The following CADPS2 variants were observed in gnomAD, a reference collection of about 807,000 sequenced individuals.
CADPS2 encodes calcium-dependent secretion activator 2.
A neutral mutation model predicts 172.5 loss-of-function variants in CADPS2; 93 were observed. The ratio of observed to expected loss-of-function variants is 0.54; its 90% CI spans 0.46 to 0.64. The LOEUF (loss-of-function observed/expected upper bound fraction) is 0.64. Ranked by LOEUF, CADPS2 falls within the 30% of genes least tolerant of loss-of-function variation. The pLI is 0.00. For synonymous variants in CADPS2, 546 were observed against 555.2 expected, an observed-to-expected ratio of 0.98 and a Z score of 0.23; for missense variants, 1,420 against 1,565.9, an observed-to-expected ratio of 0.91 and a Z score of 1.57.
intron 1 of CADPS2, 146 bp from the exon 2 acceptor site, chr7:122,737,214 A>G: frequency 1.8e-6 from 1 of 564,722 alleles, no homozygotes; most frequent in Non-Finnish European, 3.1e-6. Flanking sequence ...ACATCCTACT[A>G]CTTGTTCTAA....
At chr7:122,412,360 G>T (rs1464804838) in intron 19 of CADPS2, among the ~76,000 whole-genome samples, 4 of 152,172 alleles carry the variant, frequency 2.6e-5, no homozygotes, top group Admixed American at 2.6e-4. Context: ...ATGCATGCCA[G>T]TTGGAGAGGA....
At chr7:122,642,002 G>A (rs1353456328) in intron 3 of CADPS2, among the ~76,000 whole-genome samples, 5 of 152,160 alleles carry the variant, frequency 3.3e-5, no homozygotes, top group East Asian at 3.9e-4. Flanking sequence ...AATTGAGGCC[G>A]GCCGTGGTGG....
At chr7:122,363,310 C>T (rs1433731570) in intron 25 of CADPS2, among the ~76,000 whole-genome samples, 1 of 152,164 alleles carries the variant, frequency 6.6e-6, no homozygotes, top group Admixed American at 6.5e-5. Context: ...GCGGCAATTG[C>T]TATGGTTACT....
intron 8 of CADPS2, among the ~76,000 whole-genome samples, chr7:122,518,315 T>C (rs1163815142): frequency 6.6e-6 from 1 of 152,056 alleles, no homozygotes; most frequent in Non-Finnish European, 1.5e-5. Flanking sequence ...TAAATTATAA[T>C]AACTACATAA....
chr7:122,583,791 TATCATATACATCAC>T (rs907611885), intron 6 of CADPS2, among the ~76,000 whole-genome samples: 2 of 151,234 alleles, frequency 1.3e-5, no homozygotes, highest in African/African-American at 2.4e-5. Context: ...ATAACATACA[TATCATATACATCAC>T]ATCATATACA....
intron 27 of CADPS2, 126 bp from the exon 28 acceptor site, chr7:122,345,807 C>T: frequency 1.7e-6 from 1 of 574,034 alleles, no homozygotes; most frequent in Admixed American, 3.4e-5. Context: ...AAAACTAAAC[C>T]AAAAGTGAGC....
chr7:122,605,416 C>T (rs2073385662), intron 6 of CADPS2, among the ~76,000 whole-genome samples: 1 of 152,104 alleles, frequency 6.6e-6, no homozygotes, highest in South Asian at 2.1e-4. Flanking sequence ...TATATGCAGT[C>T]CATCATTGAC....
Position 122,441,559 on chromosome 7 carries a change from CA to C in CADPS2, c.2304del (p.Phe768LeufsTer8), listed in dbSNP as rs1563346784. On this transcript the variant is annotated frameshift_variant, in exon 16 of 30. Transcript: ENST00000449022. LOFTEE classifies it high-confidence loss of function. ...GCTTTTAGAGCACCTTCAGGTCGTC[CA>C]AAGGGAAAACAGTATCTTTAAAAAC... ...QISHFRYCFP[F>X]GRPEGALKAT... 1 of 1,535,890 alleles carries C rather than the reference CA, an allele frequency of 6.5e-7. No individual in the cohort carries two copies. The highest frequency in any genetic ancestry group is 8.8e-7 in the Non-Finnish European group (1 of 1,140,526).
intron 2 of CADPS2, chr7:122,698,650 G>A (rs751695080): frequency 1.9e-6 from 3 of 1,613,884 alleles, no homozygotes. Context: ...GCTGAAAATG[G>A]TATTGGGATT....
intron 2 of CADPS2, among the ~76,000 whole-genome samples, chr7:122,676,239 T>G (rs1301586416): frequency 6.6e-6 from 1 of 152,044 alleles, no homozygotes; most frequent in African/African-American, 2.4e-5. Context: ...TACATTAGAG[T>G]AGACAATAAA....
intron 6 of CADPS2, among the ~76,000 whole-genome samples, chr7:122,595,388 G>T (rs778009309): frequency 3.3e-5 from 5 of 151,970 alleles, no homozygotes; most frequent in African/African-American, 7.2e-5. Context: ...TTAAGTGGGG[G>T]TTATGTTCTT....
chr7:122,779,686 G>A (rs747421956), intron 1 of CADPS2, among the ~76,000 whole-genome samples: 6 of 151,992 alleles, frequency 3.9e-5, no homozygotes, highest in East Asian at 1.9e-4. Context: ...CAACATCTTC[G>A]AAAGTTGAAT....
intron 5 of CADPS2, among the ~76,000 whole-genome samples, chr7:122,617,614 G>T (rs2075069947): frequency 6.6e-6 from 1 of 152,180 alleles, no homozygotes; most frequent in South Asian, 2.1e-4. Flanking sequence ...ACAGAGTTAG[G>T]AGACATTTAA....
At chr7:122,783,171 C>T (rs1793191954) in intron 1 of CADPS2, among the ~76,000 whole-genome samples, 1 of 142,240 alleles carries the variant, frequency 7.0e-6, no homozygotes, top group East Asian at 2.1e-4. Context: ...AGCCGAGAGG[C>T]GACAAAGCGA....
At position 122,425,530 on chromosome 7, in the gene CADPS2, T is replaced by A. The variant is rs930316254; in HGVS notation, c.2477-9366A>T. On this transcript the variant is annotated intron_variant, in intron 17 of 29. Coordinates refer to ENST00000449022, the MANE Select transcript of CADPS2 (RefSeq NM_017954.11). ...GGGTGGAGGATCGTTTGAGCCCACC[T>A]GGGAGGCAGAGGCTACGGTGAGCTG... 4.6e-5 allele frequency among the ~76,000 whole-genome samples: 7 copies of A among 151,364 alleles called. No individual in the cohort carries two copies. The East Asian group carries it at 7.8e-4, about 17-fold the overall frequency.
intron 15 of CADPS2, among the ~76,000 whole-genome samples, chr7:122,450,230 C>A (rs182660515): frequency 2.6e-5 from 4 of 151,862 alleles, no homozygotes; most frequent in East Asian, 1.9e-4. Flanking sequence ...ATATTCACTA[C>A]GTTTATTTTT....
chr7:122,599,060 A>G (rs1297382272), intron 6 of CADPS2, among the ~76,000 whole-genome samples: 1 of 152,136 alleles, frequency 6.6e-6, no homozygotes, highest in Non-Finnish European at 1.5e-5. Context: ...AGTTAGGTGC[A>G]GAATGAAAGG....
intron 1 of CADPS2, among the ~76,000 whole-genome samples, chr7:122,787,255 T>G (rs2139575439): frequency 6.6e-6 from 1 of 152,206 alleles, no homozygotes; most frequent in East Asian, 1.9e-4. Flanking sequence ...AGCTGAAAAT[T>G]TTATCACTTG....
intron 8 of CADPS2, among the ~76,000 whole-genome samples, chr7:122,519,031 A>G (rs1251718143): frequency 1.3e-5 from 2 of 151,918 alleles, no homozygotes; most frequent in East Asian, 3.9e-4. Flanking sequence ...CACAAATATC[A>G]TCAGTTTTCA....
Sources: allele counts gnomAD v4.1 joint callset (sites outside exome capture counted in the v4.1 genomes callset), GRCh38; gene constraint gnomAD v4.1.1; transcripts MANE v1.5; gene names NCBI Gene and HGNC (gene_info 2026-07-23, HGNC 2026-07-21).